Variants in EFCAB6 observed in about 807,000 individuals in gnomAD.
EFCAB6 encodes EF-hand calcium-binding domain-containing protein 6.
A neutral mutation model predicts 169.8 loss-of-function variants in EFCAB6; 156 were observed. That is an observed-to-expected ratio of 0.92 (90% CI 0.81 to 1.05). The LOEUF (loss-of-function observed/expected upper bound fraction) is 1.05. Ranked by LOEUF, EFCAB6 falls within the 50% of genes least tolerant of loss-of-function variation. The probability of loss-of-function intolerance (pLI) is 0.00; values close to 1 mark genes in which losing one functional copy is unlikely to be tolerated. For missense variants in EFCAB6, 1,800 were observed against 1,829.1 expected (o/e 0.98, Z 0.29); for synonymous variants, 698 against 676.4 (o/e 1.03, Z -0.50).
At chr22:43,632,295 T>TTC in intron 18 of EFCAB6, 57 bp from the exon 19 acceptor site, 2 of 236,980 alleles carry the variant, frequency 8.4e-6, no homozygotes, top group East Asian at 3.3e-4. Context: ...TCATTCCTTC[T>TTC]TTTTTTTTTT....
intron 6 of EFCAB6, among the ~76,000 whole-genome samples, chr22:43,742,510 C>A (rs145090048): frequency 1.3e-5 from 2 of 152,184 alleles, no homozygotes; most frequent in East Asian, 3.8e-4. Flanking sequence ...TGCACAAACA[C>A]GAGGAAAAGC....
chr22:43,630,090 G>A (rs2054822566), intron 19 of EFCAB6, among the ~76,000 whole-genome samples: 1 of 152,172 alleles, frequency 6.6e-6, no homozygotes, highest in African/African-American at 2.4e-5. Context: ...CTTGAGCCCA[G>A]GAGTCTGAGA....
intron 25 of EFCAB6, among the ~76,000 whole-genome samples, chr22:43,578,417 G>A (rs907165996): frequency 6.6e-5 from 10 of 152,122 alleles, no homozygotes; most frequent in Non-Finnish European, 1.0e-4. Flanking sequence ...GGGTTGCTGT[G>A]GCTGTTTGGG....
chr22:43,722,877 A>G (rs1195964890), intron 8 of EFCAB6, among the ~76,000 whole-genome samples: 2 of 152,230 alleles, frequency 1.3e-5, no homozygotes, highest in Non-Finnish European at 2.9e-5. Flanking sequence ...ACAGCCATAA[A>G]AAAGAATAAA....
At chr22:43,735,158 T>C (rs2060085733) in intron 7 of EFCAB6, among the ~76,000 whole-genome samples, 1 of 152,074 alleles carries the variant, frequency 6.6e-6, no homozygotes, top group African/African-American at 2.4e-5. Flanking sequence ...AGCCAAACAT[T>C]TGGCTTCTTC....
intron 18 of EFCAB6, among the ~76,000 whole-genome samples, chr22:43,634,626 G>T (rs906807685): frequency 1.3e-5 from 2 of 150,646 alleles, no homozygotes; most frequent in Non-Finnish European, 3.0e-5. Flanking sequence ...GTGGAGAGGC[G>T]GCCCCAGGAC....
chr22:43,578,220 A>G (rs2050388980), intron 25 of EFCAB6, among the ~76,000 whole-genome samples: 1 of 152,048 alleles, frequency 6.6e-6, no homozygotes. Context: ...CCTCCTGTAG[A>G]GTGGAATCAG....
chr22:43,690,684 G>C (rs1289975431), intron 10 of EFCAB6, among the ~76,000 whole-genome samples: 1 of 151,722 alleles, frequency 6.6e-6, no homozygotes, highest in East Asian at 2.0e-4. Context: ...CATGCTCCCC[G>C]GGCTCTCTTA....
chr22:43,662,489 G>C (rs1024822298), intron 17 of EFCAB6, among the ~76,000 whole-genome samples: 11 of 152,098 alleles, frequency 7.2e-5, no homozygotes, highest in African/African-American at 2.4e-4. Flanking sequence ...ATGAACAACA[G>C]CATGCATGCT....
At chr22:43,805,967 C>T (rs2062902130) in intron 2 of EFCAB6, among the ~76,000 whole-genome samples, 1 of 152,070 alleles carries the variant, frequency 6.6e-6, no homozygotes, top group African/African-American at 2.4e-5. Flanking sequence ...GAGTTCGAGA[C>T]TAGCCTGGCC....
At position 43,606,346 on chromosome 22, in the gene EFCAB6, G is replaced by A. The variant is rs961446719; in HGVS notation, c.2681+2136C>T. Among the ~76,000 whole-genome samples, 5 of 152,190 alleles carry A rather than the reference G, an allele frequency of 3.3e-5. No homozygotes were observed. The East Asian group carries it at 9.6e-4, about 29-fold the overall frequency. ...TTTGGCGATGAGCTCTGGATTACTC[G>A]TTTATCTTGGTCATCCTCAGCCCTG... is the stretch of plus-strand genomic sequence containing the variant. On this transcript the variant is annotated intron_variant, in intron 22 of 31. Transcript: ENST00000262726.
chr22:43,797,075 C>G (rs2062537287), intron 2 of EFCAB6, among the ~76,000 whole-genome samples: 2 of 152,180 alleles, frequency 1.3e-5, no homozygotes, highest in African/African-American at 2.4e-5. Context: ...TCAGTAAATG[C>G]TTGTTGCCTG....
intron 17 of EFCAB6, among the ~76,000 whole-genome samples, chr22:43,661,182 C>T (rs1006310450): frequency 1.1e-4 from 16 of 151,920 alleles, no homozygotes; most frequent in East Asian, 3.9e-4. Flanking sequence ...CAAGAGTGGC[C>T]GGGGCAACAT....
intron 4 of EFCAB6, among the ~76,000 whole-genome samples, chr22:43,769,746 G>T (rs1287498086): frequency 6.6e-6 from 1 of 152,126 alleles, no homozygotes; most frequent in Non-Finnish European, 1.5e-5. Context: ...AGGATATGGG[G>T]TGAGGAGGGC....
intron 30 of EFCAB6, among the ~76,000 whole-genome samples, chr22:43,531,260 G>T (rs1483008201): frequency 2.6e-5 from 4 of 152,208 alleles, no homozygotes; most frequent in Admixed American, 6.5e-5. Context: ...TCACAGATTA[G>T]GAAGTGGAGA....
chr22:43,569,673 G>GC (rs1162378571), intron 26 of EFCAB6, among the ~76,000 whole-genome samples: 1 of 152,154 alleles, frequency 6.6e-6, no homozygotes, highest in Non-Finnish European at 1.5e-5. Flanking sequence ...TGTCTCCAAG[G>GC]CCCCCCTGAG....
At chr22:43,758,886 G>A (rs1194686777) in intron 5 of EFCAB6, among the ~76,000 whole-genome samples, 1 of 152,050 alleles carries the variant, frequency 6.6e-6, no homozygotes, top group Non-Finnish European at 1.5e-5. Flanking sequence ...TTAACCTTTA[G>A]AGGCATACAA....
At chr22:43,692,110 C>T (rs912204407) in intron 10 of EFCAB6, among the ~76,000 whole-genome samples, 1 of 152,018 alleles carries the variant, frequency 6.6e-6, no homozygotes, top group African/African-American at 2.4e-5. Flanking sequence ...TCTAACTCAC[C>T]AAAATTCTTA....
At chr22:43,694,846 T>C (rs2058517290) in intron 10 of EFCAB6, among the ~76,000 whole-genome samples, 1 of 151,994 alleles carries the variant, frequency 6.6e-6, no homozygotes, top group South Asian at 2.1e-4. Flanking sequence ...AAACAATCCA[T>C]TGCTAATATC....
Sources: allele counts gnomAD v4.1 joint callset (sites outside exome capture counted in the v4.1 genomes callset), GRCh38; gene constraint gnomAD v4.1.1; transcripts MANE v1.5; gene names NCBI Gene and HGNC (gene_info 2026-07-23, HGNC 2026-07-21).